The following MAPK10 variants were observed in gnomAD, a reference collection of about 807,000 sequenced individuals.
The protein encoded by MAPK10 is mitogen-activated protein kinase 10, also known as JNK3 alpha protein kinase.
In MAPK10, 25 loss-of-function variants were observed where a neutral mutation model predicts 59.3. The observed-to-expected ratio is 0.42, with a 90% CI of 0.31 to 0.59. MAPK10 has a LOEUF of 0.59. Among genes scored for constraint, MAPK10 ranks in the 20% least tolerant of loss-of-function variants. The pLI, the probability that MAPK10 is intolerant of heterozygous loss-of-function variation, is 0.15. For synonymous variants in MAPK10, 190 were observed against 200.5 expected (o/e 0.95, Z 0.44); for missense variants, 351 against 568.9 (o/e 0.62, Z 3.90).
At chr4:86,062,448 T>C (rs1203715381) in intron 11 of MAPK10, among the ~76,000 whole-genome samples, 1 of 152,180 alleles carries the variant, frequency 6.6e-6, no homozygotes, top group Non-Finnish European at 1.5e-5. Context: ...AACTCATTGA[T>C]ACTATTCAGT....
At chr4:86,254,644 A>G (rs2093619958) in intron 2 of MAPK10, among the ~76,000 whole-genome samples, 1 of 141,634 alleles carries the variant, frequency 7.1e-6, no homozygotes, top group African/African-American at 2.9e-5. Context: ...AAAAAAATGT[A>G]TATTCTGTTG....
At chr4:86,138,796 T>C (rs1371378305) in intron 4 of MAPK10, among the ~76,000 whole-genome samples, 7 of 152,104 alleles carry the variant, frequency 4.6e-5, no homozygotes, top group Admixed American at 1.3e-4. Flanking sequence ...CCCATTGTCT[T>C]AGCCCAGAAT....
At chr4:86,545,591 C>T (rs1759085111) in intron 1 of MAPK10, among the ~76,000 whole-genome samples, 1 of 152,092 alleles carries the variant, frequency 6.6e-6, no homozygotes, top group Non-Finnish European at 1.5e-5. Context: ...GAACAATATA[C>T]ATGTGTATTG....
At chr4:86,215,944 A>T (rs896835956) in intron 2 of MAPK10, among the ~76,000 whole-genome samples, 1 of 152,150 alleles carries the variant, frequency 6.6e-6, no homozygotes, top group Admixed American at 6.5e-5. Context: ...TTAAAAACCA[A>T]ACAATCAAAA....
intron 1 of MAPK10, among the ~76,000 whole-genome samples, chr4:86,564,083 C>T (rs1760886043): frequency 6.6e-6 from 1 of 152,144 alleles, no homozygotes; most frequent in Admixed American, 6.5e-5. Flanking sequence ...CAGTCACCCT[C>T]GGCCTCCCAA....
rs371437464 is a variant in MAPK10 at position 86,075,423 on chromosome 4, T to A, written c.803-7468A>T. ...AAAGTCATTCTCCATCCAGCTTTGT[T>A]CTGTTGCTGGTGAGGAACTGTGTTC... On this transcript the variant is annotated intron_variant, in intron 9 of 13. Transcript: ENST00000641462. Among the ~76,000 whole-genome samples, 7 of 152,350 alleles carry A rather than the reference T, an allele frequency of 4.6e-5. No individual in the cohort carries two copies. In the East Asian group the frequency reaches 9.6e-4, roughly 21 times the overall value.
chr4:86,242,834 A>G (rs2092822937), intron 2 of MAPK10, among the ~76,000 whole-genome samples: 1 of 151,456 alleles, frequency 6.6e-6, no homozygotes, highest in Admixed American at 6.6e-5. Context: ...AAATGCTTAG[A>G]CAACAGGCAG....
intron 2 of MAPK10, among the ~76,000 whole-genome samples, chr4:86,337,985 G>A (rs938661683): frequency 2.0e-5 from 3 of 151,880 alleles, no homozygotes; most frequent in Admixed American, 6.6e-5. Flanking sequence ...TCTTCCTCTC[G>A]GCCTTCCTTG....
chr4:86,256,729 TCTTTC>T (rs773021076), intron 2 of MAPK10, among the ~76,000 whole-genome samples: 5,115 of 100,164 alleles, frequency 0.051, 255 homozygotes, highest in African/African-American at 0.12. Flanking sequence ...TTCTTTTCTT[TCTTTC>T]TTTTTTTTTT....
At chr4:86,076,167 C>T (rs1283732125) in intron 9 of MAPK10, among the ~76,000 whole-genome samples, 1 of 152,208 alleles carries the variant, frequency 6.6e-6, no homozygotes, top group Non-Finnish European at 1.5e-5. Context: ...CCAGGTGCGT[C>T]TGTCACCCGT....
Position 86,255,673 on chromosome 4 carries a change from A to G in MAPK10, c.-6-61266T>C, listed in dbSNP as rs116318992. On this transcript the variant is annotated intron_variant, in intron 2 of 13. Transcript: ENST00000641462. The stretch of plus-strand genomic sequence containing the variant: ...AACTTTTTTTCAATTGCTAAATTCT[A>G]GAAAAGTTTATCAAAAGCAAATTTT... Among the ~76,000 whole-genome samples, 481 of 150,716 alleles carry G rather than the reference A, an allele frequency of 3.2e-3. 2 individuals carry two copies. The highest frequency in any genetic ancestry group is 0.011 in the African/African-American group (468 of 41,344).
At chr4:86,035,020 C>T (rs2039916835) in intron 11 of MAPK10, among the ~76,000 whole-genome samples, 1 of 151,902 alleles carries the variant, frequency 6.6e-6, no homozygotes, top group Admixed American at 6.6e-5. Flanking sequence ...TCAGAAGTGA[C>T]AAGATATAAG....
At chr4:86,386,132 G>A (rs774822959) in intron 1 of MAPK10, among the ~76,000 whole-genome samples, 3 of 152,136 alleles carry the variant, frequency 2.0e-5, no homozygotes, top group African/African-American at 4.8e-5. Flanking sequence ...AACTCCATTC[G>A]GAGGGAAATG....
chr4:86,538,824 C>T (rs1255536777), intron 1 of MAPK10, among the ~76,000 whole-genome samples: 2 of 152,088 alleles, frequency 1.3e-5, no homozygotes, highest in Admixed American at 6.5e-5. Flanking sequence ...CATACTAAAA[C>T]ACCTTGAGAT....
intron 9 of MAPK10, among the ~76,000 whole-genome samples, chr4:86,092,328 C>G (rs922495841): frequency 6.6e-6 from 1 of 152,064 alleles, no homozygotes; most frequent in East Asian, 1.9e-4. Flanking sequence ...AAATGCTAAG[C>G]CTTGTGCCTA....
At chr4:86,585,013 G>A (rs1345078305) in intron 1 of MAPK10, among the ~76,000 whole-genome samples, 2 of 152,134 alleles carry the variant, frequency 1.3e-5, no homozygotes, top group African/African-American at 4.8e-5. Context: ...AGCTGCTATT[G>A]AGAAGACTTT....
At chr4:86,191,321 A>T (rs2033397617) in intron 3 of MAPK10, among the ~76,000 whole-genome samples, 1 of 152,054 alleles carries the variant, frequency 6.6e-6, no homozygotes, top group African/African-American at 2.4e-5. Context: ...TGCCTCGTTG[A>T]TCTGTCTAAT....
rs578084101 is a variant in MAPK10 at position 86,439,759 on chromosome 4, T to A, written c.-122+13271A>T. Among the ~76,000 whole-genome samples the A allele has an allele frequency of 3.3e-5, 5 of 152,360 alleles. No homozygotes were observed. The East Asian group carries it at 9.6e-4, about 29-fold the overall frequency. Reference sequence around the variant, plus strand: ...TACATATTCTTATTATTACTTGGTATAGTCAGGTTTGTTTGTTTCTTGTTT... The same window carrying A: ...TACATATTCTTATTATTACTTGGTAAAGTCAGGTTTGTTTGTTTCTTGTTT... On this transcript the variant is annotated intron_variant, in intron 1 of 13. Coordinates refer to the MAPK10 transcript ENST00000361569.
intron 1 of MAPK10, among the ~76,000 whole-genome samples, chr4:86,569,813 A>T (rs575762506): frequency 3.5e-4 from 53 of 152,158 alleles, no homozygotes; most frequent in African/African-American, 1.2e-3. Flanking sequence ...TAGGTGGGTG[A>T]GAGAGGGGGT....
Sources: gnomAD v4.1 joint callset for allele counts (sites outside exome capture counted in the v4.1 genomes callset) on GRCh38, gnomAD v4.1.1 for gene constraint, MANE v1.5 for transcripts, NCBI Gene and HGNC (gene_info 2026-07-23, HGNC 2026-07-21) for gene names.